FGF14: variants seen among roughly 807,000 people sequenced by gnomAD.
The protein encoded by FGF14 is fibroblast growth factor homologous factor 4.
Under a neutral mutation model 25.5 loss-of-function variants are expected in FGF14, and 5 were observed. The ratio of observed to expected loss-of-function variants is 0.20; its 90% confidence interval spans 0.10 to 0.41. The LOEUF is 0.41. Among genes scored for constraint, FGF14 ranks in the 10% least tolerant of loss-of-function variants. The pLI, the probability that FGF14 is intolerant of heterozygous loss-of-function variation, is 1.00. For synonymous variants in FGF14, 138 were observed against 118.3 expected, an observed-to-expected ratio of 1.17 and a Z score of -1.08; for missense variants, 222 against 320.1, an observed-to-expected ratio of 0.69 and a Z score of 2.34.
At chr13:101,838,523 G>A (rs574967559) in intron 3 of FGF14, among the ~76,000 whole-genome samples, 148 of 152,180 alleles carry the variant, frequency 9.7e-4, no homozygotes, top group Admixed American at 1.6e-3. Flanking sequence ...AGAAATGAGT[G>A]CTTATGCAAG....
chr13:102,124,396 A>C (rs61967762), intron 1 of FGF14, among the ~76,000 whole-genome samples: 10,889 of 152,128 alleles, frequency 0.072, 459 homozygotes, highest in Non-Finnish European at 0.097. Context: ...TAAGAGGAAA[A>C]TGTTGAGTTG....
intron 1 of FGF14, chr13:102,401,448 A>G: frequency 6.2e-7 from 1 of 1,608,912 alleles, no homozygotes; most frequent in Non-Finnish European, 8.5e-7. Flanking sequence ...GGAAAAACAT[A>G]ACATGATGCA....
At chr13:102,268,867 C>T (rs1478467918) in intron 1 of FGF14, among the ~76,000 whole-genome samples, 1 of 152,140 alleles carries the variant, frequency 6.6e-6, no homozygotes, top group African/African-American at 2.4e-5. Context: ...GATAAACTCA[C>T]CATGGCAACC....
At chr13:101,901,714 CAAAT>C (rs2138989680) in intron 1 of FGF14, among the ~76,000 whole-genome samples, 1 of 152,022 alleles carries the variant, frequency 6.6e-6, no homozygotes, top group East Asian at 1.9e-4. Flanking sequence ...AAAAAACAAA[CAAAT>C]AAACAACCCA....
chr13:102,276,349 G>GTATA (rs1208210428), intron 1 of FGF14, among the ~76,000 whole-genome samples: 3 of 32,760 alleles, frequency 9.2e-5, no homozygotes, highest in African/African-American at 4.2e-4. Context: ...GTGTGTGTGT[G>GTATA]TGTGTATATA....
At chr13:102,115,123 C>G (rs1017206904) in intron 1 of FGF14, among the ~76,000 whole-genome samples, 2 of 152,134 alleles carry the variant, frequency 1.3e-5, no homozygotes, top group Non-Finnish European at 2.9e-5. Flanking sequence ...CTGCTTCTTC[C>G]TTGATTCTCA....
Position 101,832,272 on chromosome 13 carries a change from G to A in FGF14, c.408+36453C>T, listed in dbSNP as rs115992498. Among the ~76,000 whole-genome samples, 152 of 152,126 alleles carry A rather than the reference G, an allele frequency of 1.0e-3. 2 individuals are homozygous for A. Among genetic ancestry groups the A allele is most frequent in the African/African-American group, 3.5e-3 (146 of 41,536 alleles). Reference sequence around the variant, plus strand: ...TCTCTAAGTGCTCCAGAGAGAGCACGGCCCAGCTAGCAGCTTGATTTGAAC... The same window carrying A: ...TCTCTAAGTGCTCCAGAGAGAGCACAGCCCAGCTAGCAGCTTGATTTGAAC... On this transcript the variant is annotated intron_variant, in intron 3 of 4. Coordinates refer to ENST00000376143, the MANE Select transcript of FGF14 (RefSeq NM_004115.4).
At chr13:101,901,830 C>CTT (rs2031594085) in intron 1 of FGF14, among the ~76,000 whole-genome samples, 1 of 152,104 alleles carries the variant, frequency 6.6e-6, no homozygotes, top group African/African-American at 2.4e-5. Context: ...GGAAAAATTA[C>CTT]TTAACATCTG....
chr13:102,375,838 T>C (rs2058027990), intron 1 of FGF14, among the ~76,000 whole-genome samples: 1 of 152,186 alleles, frequency 6.6e-6, no homozygotes, highest in Non-Finnish European at 1.5e-5. Flanking sequence ...AAACTGCACA[T>C]GTAAAATCAA....
intron 1 of FGF14, among the ~76,000 whole-genome samples, chr13:101,975,665 A>G (rs1885903): frequency 0.35 from 53,799 of 152,032 alleles, 10,078 homozygotes; most frequent in East Asian, 0.71. Context: ...CATCTACCAC[A>G]TTTCTTGCAA....
intron 3 of FGF14, among the ~76,000 whole-genome samples, chr13:101,728,955 T>C (rs953414599): frequency 6.6e-6 from 1 of 152,004 alleles, no homozygotes; most frequent in Non-Finnish European, 1.5e-5. Flanking sequence ...TAGGGATGTA[T>C]TGTCTCCATT....
chr13:102,335,971 G>T (rs2056777003), intron 1 of FGF14, among the ~76,000 whole-genome samples: 1 of 152,104 alleles, frequency 6.6e-6, no homozygotes. Context: ...GACTGCTCCA[G>T]CAATTGGCTG....
At chr13:102,331,492 C>A (rs147007947) in intron 1 of FGF14, among the ~76,000 whole-genome samples, 130 of 152,200 alleles carry the variant, frequency 8.5e-4, no homozygotes, top group African/African-American at 3.0e-3. Context: ...GGTGCACATA[C>A]CACCCAGAAA....
intron 1 of FGF14, among the ~76,000 whole-genome samples, chr13:102,241,181 A>G (rs2051579451): frequency 6.6e-6 from 1 of 151,988 alleles, no homozygotes; most frequent in Admixed American, 6.6e-5. Context: ...AGAAAGGGGC[A>G]CTCTTGTAGA....
intron 1 of FGF14, among the ~76,000 whole-genome samples, chr13:102,043,699 G>A (rs1023278474): frequency 1.2e-4 from 19 of 152,248 alleles, no homozygotes; most frequent in African/African-American, 4.6e-4. Flanking sequence ...AGCCATATAA[G>A]AAACATGAAA....
At chr13:102,139,059 A>C (rs1443363903) in intron 1 of FGF14, among the ~76,000 whole-genome samples, 1 of 152,212 alleles carries the variant, frequency 6.6e-6, no homozygotes, top group East Asian at 1.9e-4. Context: ...GTTCCATGTA[A>C]ACAATGTATT....
At chr13:102,266,684 G>A (rs2053007637) in intron 1 of FGF14, among the ~76,000 whole-genome samples, 1 of 151,932 alleles carries the variant, frequency 6.6e-6, no homozygotes, top group Non-Finnish European at 1.5e-5. Flanking sequence ...ATATAAAAGA[G>A]GGATCAAAGA....
At chr13:101,760,615 T>C (rs966198681) in intron 3 of FGF14, among the ~76,000 whole-genome samples, 1 of 152,196 alleles carries the variant, frequency 6.6e-6, no homozygotes, top group African/African-American at 2.4e-5. Context: ...TACTCTGAAA[T>C]TGCCTTAACC....
chr13:101,714,729 C>T lies in FGF14; in HGVS notation c.*8102G>A, dbSNP rs1200236326. ...CCCTCACAAAAGCCTCACATTATTC[C>T]TAGGCATAGAAGAATACAAGAGAAT... is the stretch of plus-strand genomic sequence containing the variant. On this transcript the variant is annotated 3_prime_UTR_variant, in exon 5 of 5. Coordinates refer to ENST00000376143, the MANE Select transcript of FGF14 (RefSeq NM_004115.4). 3 of 590,276 alleles carry T rather than the reference C, an allele frequency of 5.1e-6. No homozygotes were observed. The highest frequency in any genetic ancestry group is 9.1e-6 in the Non-Finnish European group (3 of 330,258). 36.6% of individuals were successfully genotyped at this position (590,276 alleles called of 1,614,324 possible). A position where few individuals can be genotyped will look rare whatever the true frequency, so the allele number is the denominator to read the frequency against.
Sources: allele counts gnomAD v4.1 joint callset (sites outside exome capture counted in the v4.1 genomes callset), GRCh38; gene constraint gnomAD v4.1.1; transcripts MANE v1.5; gene names NCBI Gene and HGNC (gene_info 2026-07-23, HGNC 2026-07-21).